The following GPHN variants were observed in gnomAD, a reference collection of about 807,000 sequenced individuals.
The protein encoded by GPHN is gephyrin.
A neutral mutation model predicts 95.5 loss-of-function variants in GPHN; 17 were observed. That is an observed-to-expected ratio of 0.18 (90% CI 0.12 to 0.27). The LOEUF (loss-of-function observed/expected upper bound fraction) is 0.27. Ranked by LOEUF, GPHN falls within the 10% of genes least tolerant of loss-of-function variation. The pLI, the probability that GPHN is intolerant of heterozygous loss-of-function variation, is 1.00. For missense variants in GPHN, 660 were observed against 978.1 expected (o/e 0.67, Z 4.34); for synonymous variants, 320 against 322.5 (o/e 0.99, Z 0.08).
chr14:67,392,621 C>G, the GPHN span: 710 of 1,567,914 alleles, frequency 4.5e-4, 1 homozygote, highest in Non-Finnish European at 5.8e-4. Context: ...TCTTCCTTAA[C>G]TTTTGCCCTG....
the GPHN span, among the ~76,000 whole-genome samples, chr14:67,431,328 G>T: frequency 1.4e-5 from 2 of 146,482 alleles, no homozygotes; most frequent in Non-Finnish European, 3.0e-5. Context: ...GGAGGCGGAG[G>T]TTGCAGTGAG....
the GPHN span, among the ~76,000 whole-genome samples, chr14:67,424,889 C>A: frequency 6.6e-6 from 1 of 152,176 alleles, no homozygotes; most frequent in Non-Finnish European, 1.5e-5. Flanking sequence ...TCAATCAGAG[C>A]AGACCCAGTT....
the GPHN span, among the ~76,000 whole-genome samples, chr14:67,209,773 G>C: frequency 2.0e-5 from 3 of 147,840 alleles, no homozygotes; most frequent in African/African-American, 7.5e-5. Flanking sequence ...AGCCGAGATC[G>C]TGCCATTAAA....
intron 4 of GPHN, among the ~76,000 whole-genome samples, chr14:66,865,340 A>G (rs188821457): frequency 6.6e-6 from 1 of 152,260 alleles, no homozygotes; most frequent in African/African-American, 2.4e-5. Context: ...CCTTTATCAG[A>G]GTGTCTCATG....
rs113648012 is a variant in GPHN, at chr14:66,841,662, G to T, written c.294+17096G>T. ...GACTATGGGAAAAGTAGGTTTGAGG[G>T]GGAAGATCAGGAATTTTACTTTGGT... On this transcript the variant is annotated intron_variant, in intron 4 of 22. Transcript: ENST00000478722. Among the ~76,000 whole-genome samples, 309 of 152,198 alleles carry T rather than the reference G, an allele frequency of 2.0e-3. 1 individual carries two copies. The highest frequency in any genetic ancestry group is 3.3e-3 in the Non-Finnish European group (224 of 68,006).
At chr14:66,803,495 G>A (rs537309081) in intron 3 of GPHN, among the ~76,000 whole-genome samples, 1 of 152,228 alleles carries the variant, frequency 6.6e-6, no homozygotes. Context: ...GGAGCTTTTT[G>A]TTCCACCATC....
the GPHN span, chr14:67,352,861 AT>A: frequency 2.5e-5 from 24 of 963,114 alleles, no homozygotes; most frequent in African/African-American, 3.7e-4. Flanking sequence ...AAAAAAAAAA[AT>A]GCCAAGGGCC....
the GPHN span, chr14:67,600,140 A>G: frequency 6.3e-7 from 1 of 1,594,390 alleles, no homozygotes; most frequent in East Asian, 2.3e-5. Context: ...GACGGGGAGT[A>G]GTAGCGGCGC....
At chr14:67,679,341 A>T in the GPHN span, among the ~76,000 whole-genome samples, 1 of 152,058 alleles carries the variant, frequency 6.6e-6, no homozygotes, top group South Asian at 2.1e-4. Flanking sequence ...ACCTTGAGGG[A>T]CACATTCAAA....
chr14:66,825,084 T>C (rs1228459409), intron 4 of GPHN, among the ~76,000 whole-genome samples: 1 of 152,172 alleles, frequency 6.6e-6, no homozygotes, highest in Non-Finnish European at 1.5e-5. Context: ...AGAATTAATA[T>C]CTAGGCTTAA....
At chr14:66,510,110 C>G (rs1479934021) in intron 1 of GPHN, among the ~76,000 whole-genome samples, 1 of 152,138 alleles carries the variant, frequency 6.6e-6, no homozygotes, top group Non-Finnish European at 1.5e-5. Flanking sequence ...TTCTTTTGGT[C>G]CTGAAACTGT....
At chr14:67,146,133 T>G (rs911332643) in intron 18 of GPHN, among the ~76,000 whole-genome samples, 1 of 152,168 alleles carries the variant, frequency 6.6e-6, no homozygotes, top group Non-Finnish European at 1.5e-5. Flanking sequence ...GCAGCTAGCC[T>G]CTTTGGGTGT....
chr14:67,353,005 G>A, the GPHN span: 2 of 1,613,858 alleles, frequency 1.2e-6, no homozygotes, highest in African/African-American at 2.7e-5. Context: ...ACCTGTCTGT[G>A]CTCCCTTTAA....
chr14:67,216,786 T>A, the GPHN span, among the ~76,000 whole-genome samples: 6 of 152,332 alleles, frequency 3.9e-5, no homozygotes, highest in South Asian at 8.3e-4. Flanking sequence ...TTTTGATTTT[T>A]AAAAATTTTG....
chr14:66,636,980 A>T (rs769434732), intron 1 of GPHN, among the ~76,000 whole-genome samples: 15 of 152,186 alleles, frequency 9.9e-5, no homozygotes, highest in Non-Finnish European at 1.9e-4. Flanking sequence ...AACAGGATAT[A>T]GGAATCTCCT....
At chr14:67,568,656 C>T in the GPHN span, among the ~76,000 whole-genome samples, 1 of 151,954 alleles carries the variant, frequency 6.6e-6, no homozygotes, top group Non-Finnish European at 1.5e-5. Context: ...AAAAATGTGC[C>T]CTAAGTTCCA....
At chr14:67,517,878 C>T in the GPHN span, among the ~76,000 whole-genome samples, 25 of 152,286 alleles carry the variant, frequency 1.6e-4, no homozygotes, top group African/African-American at 5.8e-4. Context: ...TTCTGGTACC[C>T]CTTGCAAGCT....
At chr14:66,848,537 A>G (rs1008664388) in intron 4 of GPHN, among the ~76,000 whole-genome samples, 2 of 152,096 alleles carry the variant, frequency 1.3e-5, no homozygotes, top group African/African-American at 2.4e-5. Flanking sequence ...CTGGTTTTCA[A>G]ATTTCTCGTT....
chr14:67,650,958 C>A, the GPHN span: 1 of 1,589,148 alleles, frequency 6.3e-7, no homozygotes, highest in Non-Finnish European at 8.6e-7. Context: ...AACAGGCATT[C>A]CAGAATTATG....
Sources: gnomAD v4.1 joint callset for allele counts (sites outside exome capture counted in the v4.1 genomes callset) on GRCh38, gnomAD v4.1.1 for gene constraint, MANE v1.5 for transcripts, NCBI Gene and HGNC (gene_info 2026-07-23, HGNC 2026-07-21) for gene names.